IQSEC1: variants seen among roughly 807,000 people sequenced by gnomAD.
IQSEC1 encodes IQ motif and SEC7 domain-containing protein 1.
Under a neutral mutation model 91.0 loss-of-function variants are expected in IQSEC1, and 31 were observed. The ratio of observed to expected loss-of-function variants is 0.34; its 90% confidence interval spans 0.26 to 0.46. The LOEUF is 0.46. IQSEC1 is among the 20% of genes least tolerant of loss of function. The pLI, the probability that IQSEC1 is intolerant of heterozygous loss-of-function variation, is 1.00. For missense variants in IQSEC1, 1,388 were observed against 1,575.6 expected (o/e 0.88, Z 2.02); for synonymous variants, 699 against 662.6 (o/e 1.05, Z -0.84).
At chr3:13,073,466 C>CG (rs1374716190), upstream of IQSEC1, among the ~76,000 whole-genome samples, 1 of 152,180 alleles carries the variant, frequency 6.6e-6, no homozygotes, top group Non-Finnish European at 1.5e-5. Context: ...TCCCCCACCC[C>CG]CCGCGCCCAA....
At position 12,992,607 on chromosome 3, in the gene IQSEC1, C is replaced by T. The variant is rs569395503; in HGVS notation, c.24-50742G>A. Reference sequence around the variant, plus strand: ...GCCTGACCACAAAATGAAACGGTGGCTCATCAAAGTGCACAACCAGACCCC... The same window carrying T: ...GCCTGACCACAAAATGAAACGGTGGTTCATCAAAGTGCACAACCAGACCCC... On this transcript the variant is annotated intron_variant, in intron 1 of 13. Coordinates refer to ENST00000613206, the MANE Select transcript of IQSEC1 (RefSeq NM_001134382.3). The surrounding 1 kb of genome is among the most constrained non-coding windows in gnomAD (Gnocchi z 4.1). Among the ~76,000 whole-genome samples, 64 of 152,270 alleles carry T rather than the reference C, an allele frequency of 4.2e-4. No individual in the cohort carries two copies. The highest frequency in any genetic ancestry group is 7.4e-4 in the Non-Finnish European group (50 of 68,024).
chr3:12,970,434 G>C lies in IQSEC1; in HGVS notation c.24-28569C>G, dbSNP rs1358720079. On this transcript the variant is annotated intron_variant, in intron 1 of 13. Coordinates refer to ENST00000613206, the MANE Select transcript of IQSEC1 (RefSeq NM_001134382.3). The surrounding 1 kb of genome is among the most constrained non-coding windows in gnomAD (Gnocchi z 4.4). ...TGGCCCATTTCACATGCTACAACCC[G>C]ACTTTATCTCTATCCTCCCCAGCTT... Among the ~76,000 whole-genome samples, 1 of 152,084 alleles carries C rather than the reference G, an allele frequency of 6.6e-6. No individual in the cohort carries two copies. The highest frequency in any genetic ancestry group is 1.5e-5 in the Non-Finnish European group (1 of 68,032).
At chr3:13,223,419 C>T (rs1414651424) in intron 1 of IQSEC1, among the ~76,000 whole-genome samples, 1 of 152,210 alleles carries the variant, frequency 6.6e-6, no homozygotes, top group East Asian at 1.9e-4. Flanking sequence ...CAGCCTCCAC[C>T]CCTGGGGAGT....
Position 12,996,001 on chromosome 3 carries a change from G to C in IQSEC1, c.24-54136C>G, listed in dbSNP as rs574126949. ...TTGAGGCCAGCCTGGGCAACACAGC[G>C]AGACTCCATCTCAAAAATAAATTAA... is the stretch of plus-strand genomic sequence containing the variant. On this transcript the variant is annotated intron_variant, in intron 1 of 13. Coordinates refer to ENST00000613206, the MANE Select transcript of IQSEC1 (RefSeq NM_001134382.3). Among the ~76,000 whole-genome samples, 6 of 152,078 alleles carry C rather than the reference G, an allele frequency of 3.9e-5. No homozygotes were observed. The South Asian group carries it at 6.2e-4, about 16-fold the overall frequency.
chr3:13,170,567 T>C (rs1693587358), intron 1 of IQSEC1, among the ~76,000 whole-genome samples: 1 of 152,208 alleles, frequency 6.6e-6, no homozygotes, highest in Admixed American at 6.5e-5. Context: ...GGAGGGAGGC[T>C]GTACCCTGCA....
intron 1 of IQSEC1, among the ~76,000 whole-genome samples, chr3:13,185,562 G>C (rs1385192611): frequency 6.6e-6 from 1 of 152,180 alleles, no homozygotes; most frequent in East Asian, 1.9e-4. Context: ...ACAGCAGCTT[G>C]ATTACTTCCA....
chr3:13,225,787 G>A (rs1001966275), intron 1 of IQSEC1, among the ~76,000 whole-genome samples: 1 of 152,238 alleles, frequency 6.6e-6, no homozygotes, highest in Non-Finnish European at 1.5e-5. Flanking sequence ...GGCAATTTAG[G>A]TTGGGTAAGG....
chr3:12,984,982 G>A (rs944107402), intron 1 of IQSEC1, among the ~76,000 whole-genome samples: 3 of 151,524 alleles, frequency 2.0e-5, no homozygotes, highest in Admixed American at 6.6e-5. Flanking sequence ...CCACCACCAC[G>A]CCCGGCTAAT....
In IQSEC1 at chr3:12,900,926, CGTGCCCT is replaced by C; in HGVS notation, c.*50_*56del. The C allele has an allele frequency of 6.5e-7, 1 of 1,537,220 alleles. No individual in the cohort carries two copies. Among genetic ancestry groups the C allele is most frequent in the Non-Finnish European group, 8.7e-7 (1 of 1,146,508 alleles). ...TGGTGTGCGGCTGGCGACCCCCGGG[CGTGCCCT>C]GTGTGGTGTGCAGGTGTTTCAGGGA... On this transcript the variant is annotated 3_prime_UTR_variant, in exon 14 of 14. Coordinates refer to ENST00000613206, the MANE Select transcript of IQSEC1 (RefSeq NM_001134382.3).
intron 1 of IQSEC1, among the ~76,000 whole-genome samples, chr3:13,069,143 T>C (rs1235916742): frequency 6.6e-6 from 1 of 152,226 alleles, no homozygotes; most frequent in Non-Finnish European, 1.5e-5. Context: ...CAGTGCTGTG[T>C]GGGTCATTCA....
At position 13,103,397 on chromosome 3, in the gene IQSEC1, A is replaced by G. The variant is rs1166607529; in HGVS notation, c.303-55875T>C. Among the ~76,000 whole-genome samples, 1 of 152,048 alleles carries G rather than the reference A, an allele frequency of 6.6e-6. No homozygotes were observed. The highest frequency in any genetic ancestry group is 1.5e-5 in the Non-Finnish European group (1 of 68,010). On this transcript the variant is annotated intron_variant, in intron 2 of 15. Coordinates refer to the IQSEC1 transcript ENST00000648114. This position sits in a 1 kb window ranked among gnomAD's most constrained non-coding sequence, Gnocchi z 4.1. ...TCTCCCCTCCACCTCTGTGGACCAC[A>G]GACCACTAGCTCCACCAGCCTCGGG...
At chr3:13,107,473 T>C (rs375438311) in intron 2 of IQSEC1, among the ~76,000 whole-genome samples, 6 of 152,338 alleles carry the variant, frequency 3.9e-5, no homozygotes, top group Admixed American at 2.0e-4. Flanking sequence ...GTCATCTCCA[T>C]ATTACACATG....
rs538590220 is a variant in IQSEC1 at position 13,193,134 on chromosome 3, G to A, written c.273-29001C>T. 6.6e-6 allele frequency among the ~76,000 whole-genome samples: 1 copy of A among 152,136 alleles called. No individual in the cohort carries two copies. ...GTGTCTTTTCTCAGCCTTGTCCTAC[G>A]AGCACAGGATGCCCACCTGCCCGGG... On this transcript the variant is annotated intron_variant, in intron 1 of 15. Transcript: ENST00000648114. This position sits in a 1 kb window ranked among gnomAD's most constrained non-coding sequence, Gnocchi z 4.2.
intron 1 of IQSEC1, among the ~76,000 whole-genome samples, chr3:13,167,901 G>A (rs1693528657): frequency 6.6e-6 from 1 of 152,198 alleles, no homozygotes; most frequent in African/African-American, 2.4e-5. Context: ...GCTTCTCTGG[G>A]CAGAGGCCTG....
At chr3:13,164,352 G>A (rs768572745) in intron 1 of IQSEC1, among the ~76,000 whole-genome samples, 5 of 152,114 alleles carry the variant, frequency 3.3e-5, no homozygotes, top group Non-Finnish European at 7.4e-5. Context: ...GAAGTCTTAG[G>A]GTTCCTTTCC....
intron 1 of IQSEC1, among the ~76,000 whole-genome samples, chr3:13,012,964 C>CTTT (rs35541458): frequency 2.1e-5 from 2 of 97,544 alleles, no homozygotes; most frequent in Non-Finnish European, 3.8e-5. Context: ...AAAGTCTGGG[C>CTTT]TTTTTTTTTT....
At chr3:13,250,845 C>CACTTGCCTGGATCATT (rs1233735429) in intron 1 of IQSEC1, among the ~76,000 whole-genome samples, 1 of 152,094 alleles carries the variant, frequency 6.6e-6, no homozygotes, top group Non-Finnish European at 1.5e-5. Flanking sequence ...CCACTGTCAT[C>CACTTGCCTGGATCATT]ACTTGCCTGG....
chr3:13,145,816 G>T (rs932511607), intron 2 of IQSEC1, among the ~76,000 whole-genome samples: 7 of 91,106 alleles, frequency 7.7e-5, no homozygotes, highest in Non-Finnish European at 1.4e-4. Flanking sequence ...GGGGGGGGGG[G>T]TCCTGATCAT....
chr3:13,113,583 G>A (rs985512667), intron 2 of IQSEC1, among the ~76,000 whole-genome samples: 5 of 50,236 alleles, frequency 1.0e-4, no homozygotes, highest in African/African-American at 2.8e-4. Flanking sequence ...GAGGTGGGGC[G>A]CGGAGAGAAG....
Sources: gnomAD v4.1 joint callset for allele counts (sites outside exome capture counted in the v4.1 genomes callset) on GRCh38, gnomAD v4.1.1 for gene constraint, Gnocchi (gnomAD v3.1) non-coding constraint, MANE v1.5 for transcripts, NCBI Gene and HGNC (gene_info 2026-07-23, HGNC 2026-07-21) for gene names.